The following PTPRD variants were observed in gnomAD, a reference collection of about 807,000 sequenced individuals.
PTPRD encodes receptor-type tyrosine-protein phosphatase delta.
A neutral mutation model predicts 214.5 loss-of-function variants in PTPRD; 34 were observed. The ratio of observed to expected loss-of-function variants is 0.16; its 90% CI spans 0.12 to 0.21. The LOEUF (loss-of-function observed/expected upper bound fraction) is 0.21. PTPRD is among the 10% of genes least tolerant of loss of function. The pLI is 1.00. For missense variants in PTPRD, 2,545 were observed against 2,398.7 expected, an observed-to-expected ratio of 1.06 and a Z score of -1.27; for synonymous variants, 1,128 against 845.7, an observed-to-expected ratio of 1.33 and a Z score of -5.79.
chr9:9,123,638 G>A (rs1267451582), intron 10 of PTPRD, among the ~76,000 whole-genome samples: 1 of 152,056 alleles, frequency 6.6e-6, no homozygotes, highest in African/African-American at 2.4e-5. Context: ...ATATCTTAGA[G>A]GTTAAAAAGC....
intron 35 of PTPRD, among the ~76,000 whole-genome samples, chr9:8,415,202 G>A (rs868566364): frequency 6.6e-6 from 1 of 152,172 alleles, no homozygotes; most frequent in African/African-American, 2.4e-5. Flanking sequence ...GCACACAAGA[G>A]AGAAAAAGGA....
chr9:9,601,133 GTGTGTGTGTGTGTGTGT>G (rs1160057681), intron 7 of PTPRD, among the ~76,000 whole-genome samples: 291 of 127,842 alleles, frequency 2.3e-3, no homozygotes, highest in African/African-American at 9.6e-3. Flanking sequence ...GTGTGTGTGT[GTGTGTGTGTGTGTGTGT>G]ATGGGGGGGG....
intron 9 of PTPRD, among the ~76,000 whole-genome samples, chr9:9,317,154 A>G (rs1331021704): frequency 6.6e-6 from 1 of 152,140 alleles, no homozygotes; most frequent in Non-Finnish European, 1.5e-5. Flanking sequence ...AAGATTTCTC[A>G]TTCACTTACT....
intron 9 of PTPRD, among the ~76,000 whole-genome samples, chr9:9,390,166 G>A (rs1022402688): frequency 2.6e-5 from 4 of 152,120 alleles, no homozygotes; most frequent in South Asian, 2.1e-4. Context: ...CTGGGACAGC[G>A]GGGAAGCCGG....
chr9:8,564,936 T>C (rs368416733), intron 14 of PTPRD, among the ~76,000 whole-genome samples: 2 of 152,120 alleles, frequency 1.3e-5, no homozygotes, highest in East Asian at 3.9e-4. Flanking sequence ...TGGAAAGAAA[T>C]CATGAGATTC....
intron 8 of PTPRD, among the ~76,000 whole-genome samples, chr9:9,547,835 G>C (rs1266995422): frequency 2.6e-5 from 3 of 115,492 alleles, no homozygotes; most frequent in African/African-American, 9.8e-5. Context: ...TCAGGAAAAA[G>C]TCCAAGGCAT....
chr9:10,447,542 C>G (rs2098808391), intron 2 of PTPRD, among the ~76,000 whole-genome samples: 1 of 152,014 alleles, frequency 6.6e-6, no homozygotes, highest in Non-Finnish European at 1.5e-5. Flanking sequence ...TTGCCTTCCA[C>G]TATTCCCATC....
chr9:8,545,780 G>A (rs988491704), intron 14 of PTPRD, among the ~76,000 whole-genome samples: 27 of 152,246 alleles, frequency 1.8e-4, no homozygotes, highest in African/African-American at 6.5e-4. Context: ...TGAATGACAT[G>A]GATACTTGTT....
intron 3 of PTPRD, among the ~76,000 whole-genome samples, chr9:10,112,744 A>T (rs1015601382): frequency 1.3e-5 from 2 of 152,254 alleles, no homozygotes; most frequent in Non-Finnish European, 2.9e-5. Context: ...GAGCCAGAAG[A>T]TAATTCATTT....
At chr9:10,011,556 A>T (rs2096600411) in intron 4 of PTPRD, among the ~76,000 whole-genome samples, 1 of 151,978 alleles carries the variant, frequency 6.6e-6, no homozygotes, top group African/African-American at 2.4e-5. Context: ...ACTAGCATCA[A>T]AACATAATGC....
intron 2 of PTPRD, among the ~76,000 whole-genome samples, chr9:10,485,869 C>A (rs1012571939): frequency 8.6e-5 from 13 of 151,988 alleles, no homozygotes; most frequent in African/African-American, 3.1e-4. Flanking sequence ...TATTGGCAGG[C>A]AGTTTCTCAT....
At chr9:10,161,641 G>C (rs1411235481) in intron 3 of PTPRD, among the ~76,000 whole-genome samples, 2 of 151,744 alleles carry the variant, frequency 1.3e-5, no homozygotes, top group African/African-American at 4.8e-5. Flanking sequence ...TTTGGGCAAA[G>C]AATTTTCGTG....
chr9:8,331,784 G>T (rs776904806), intron 43 of PTPRD, 48 bp from the exon 44 acceptor site: 1 of 1,523,668 alleles, frequency 6.6e-7, no homozygotes, highest in African/African-American at 1.4e-5. Flanking sequence ...GACGCCAGGA[G>T]GATTCAGCAA....
At chr9:8,786,389 A>G (rs570171387) in intron 11 of PTPRD, among the ~76,000 whole-genome samples, 36 of 150,508 alleles carry the variant, frequency 2.4e-4, no homozygotes, top group Non-Finnish European at 4.4e-4. Flanking sequence ...CAAAAAAGGA[A>G]AAGTTTGGAG....
intron 5 of PTPRD, among the ~76,000 whole-genome samples, chr9:9,895,077 A>G (rs189027803): frequency 6.6e-6 from 1 of 152,186 alleles, no homozygotes; most frequent in East Asian, 1.9e-4. Context: ...TTTCTTCCAG[A>G]TGAGGGATAT....
At chr9:8,762,749 GA>G (rs2154477784) in intron 11 of PTPRD, among the ~76,000 whole-genome samples, 1 of 152,196 alleles carries the variant, frequency 6.6e-6, no homozygotes, top group African/African-American at 2.4e-5. Context: ...TAACCCATAG[GA>G]AAAACGTCTC....
At chr9:9,965,063 A>G (rs935040008) in intron 4 of PTPRD, among the ~76,000 whole-genome samples, 3 of 152,186 alleles carry the variant, frequency 2.0e-5, no homozygotes, top group African/African-American at 4.8e-5. Context: ...TGTTCATTAC[A>G]ACAGACCTTC....
chr9:9,014,181 T>A (rs1324695298), intron 11 of PTPRD, among the ~76,000 whole-genome samples: 1 of 115,686 alleles, frequency 8.6e-6, no homozygotes, highest in Non-Finnish European at 1.9e-5. Context: ...TACCTCGTTT[T>A]TTTTTGTTTG....
chr9:10,151,449 G>T (rs1168841159), intron 3 of PTPRD, among the ~76,000 whole-genome samples: 3 of 151,790 alleles, frequency 2.0e-5, no homozygotes, highest in East Asian at 3.9e-4. Flanking sequence ...TTTTAGTAGA[G>T]ACTGGGTTTT....
Sources: gnomAD v4.1 joint callset for allele counts (sites outside exome capture counted in the v4.1 genomes callset) on GRCh38, gnomAD v4.1.1 for gene constraint, MANE v1.5 for transcripts, NCBI Gene and HGNC (gene_info 2026-07-23, HGNC 2026-07-21) for gene names.